Variants in GNPAT observed in about 807,000 individuals in gnomAD.
GNPAT encodes the protein dihydroxyacetone phosphate acyltransferase.
A neutral mutation model predicts 78.4 loss-of-function variants in GNPAT; 30 were observed. The ratio of observed to expected loss-of-function variants is 0.38; its 90% confidence interval spans 0.29 to 0.52. The LOEUF (loss-of-function observed/expected upper bound fraction) is 0.52, where lower values mean the gene tolerates loss of function less well. Among genes scored for constraint, GNPAT ranks in the 20% least tolerant of loss-of-function variants. GNPAT has a pLI of 0.84. For synonymous variants in GNPAT, 271 were observed against 281.1 expected, an observed-to-expected ratio of 0.96 and a Z score of 0.36; for missense variants, 714 against 812.2, an observed-to-expected ratio of 0.88 and a Z score of 1.47.
chr1:231,272,472 C>T, intron 11 of GNPAT, 81 bp downstream of exon 11: 2 of 801,396 alleles, frequency 2.5e-6, no homozygotes, highest in Non-Finnish European at 4.4e-6. Context: ...AGATGTGTCT[C>T]AGGCAGTGTG....
Position 231,266,040 on chromosome 1 carries a change from T to A in GNPAT, c.799T>A (p.Phe267Ile). The A allele has an allele frequency of 6.2e-7, 1 of 1,611,998 alleles. No individual in the cohort carries two copies. The highest frequency in any genetic ancestry group is 8.5e-7 in the Non-Finnish European group (1 of 1,178,506). ...FGLLNIVMEP[F>I]FKREVFDTYL... The stretch of plus-strand genomic sequence containing the variant: ...TCTTCTGAATATTGTGATGGAGCCA[T>A]TTTTTAAAAGAGAAGTTTTTGATAC... Residue 267 changes from phenylalanine to isoleucine, a missense_variant, in exon 7 of 16, where the codon TTT becomes ATT. Coordinates refer to ENST00000366647, the MANE Select transcript of GNPAT (RefSeq NM_014236.4).
At chr1:231,262,074 A>C (rs1004377031) in intron 3 of GNPAT, among the ~76,000 whole-genome samples, 1 of 152,248 alleles carries the variant, frequency 6.6e-6, no homozygotes, top group African/African-American at 2.4e-5. Context: ...ATACCAGTGA[A>C]TCTTGAGATT....
rs1685664053 is a variant in GNPAT, at chr1:231,274,768, A to C, written c.1744-453A>C. ...TAACTCATTCAGCCTCCTTGCACAA[A>C]GTCTAGCACTTACTGAGCATTTGAT... On this transcript the variant is annotated intron_variant, in intron 12 of 15. Coordinates refer to ENST00000366647, the MANE Select transcript of GNPAT (RefSeq NM_014236.4). 10 of 209,720 alleles carry C rather than the reference A, an allele frequency of 4.8e-5. No homozygotes were observed. In the South Asian group the frequency reaches 7.7e-4, roughly 16 times the overall value. The allele number at this position is 209,720 out of a possible 1,614,324, so 13.0% of individuals were successfully genotyped here.
At chr1:231,277,372 C>T in intron 15 of GNPAT, 127 bp from the exon 16 acceptor site, 1 of 734,468 alleles carries the variant, frequency 1.4e-6, no homozygotes, top group Non-Finnish European at 2.5e-6. Flanking sequence ...CCCATGGGTA[C>T]TGGCCAGCCT....
At position 231,267,723 on chromosome 1, in the gene GNPAT, A is replaced by C. The variant is rs1474579541; in HGVS notation, c.1099A>C (p.Thr367Pro). The C allele has an allele frequency of 1.9e-6, 3 of 1,611,884 alleles. No homozygotes were observed. The African/African-American group carries it at 4.0e-5, about 22-fold the overall frequency. The change falls in exon 9 of 16, where the codon ACT becomes CCT. Residue 367 changes from threonine to proline, a missense_variant. Physicochemically the swap from Thr to Pro is conservative, Grantham distance 38. Coordinates refer to ENST00000366647, the MANE Select transcript of GNPAT (RefSeq NM_014236.4). ...GTCTGAGGACATGCATGCCTTTGTCACTGAAGTTGCCTACAAAATGGAGCT... is the reference window on the plus strand; with the variant it reads ...GTCTGAGGACATGCATGCCTTTGTCCCTGAAGTTGCCTACAAAATGGAGCT... ...KQSEDMHAFV[T>P]EVAYKMELLQ...
intron 3 of GNPAT, 57 bp downstream of exon 3, chr1:231,260,740 A>G: frequency 2.5e-6 from 2 of 789,074 alleles, no homozygotes; most frequent in Non-Finnish European, 3.8e-6. Context: ...AAAATTAAAC[A>G]AAAAAAAAAA....
intron 4 of GNPAT, among the ~76,000 whole-genome samples, chr1:231,264,898 G>A (rs182686607): frequency 6.6e-6 from 1 of 152,336 alleles, no homozygotes; most frequent in East Asian, 1.9e-4. Flanking sequence ...ACTTGTAAAG[G>A]GAGTGGTGCA....
At position 231,251,150 on chromosome 1, in the gene GNPAT, G is replaced by T; in HGVS notation, c.261+7G>T. 6.6e-7 allele frequency: 1 copy of T among 1,522,554 alleles called. No homozygotes were observed. Among genetic ancestry groups the T allele is most frequent in the South Asian group, 1.2e-5 (1 of 82,830 alleles). 94.3% of individuals were successfully genotyped at this position (1,522,554 alleles called of 1,614,324 possible). ...TCATTATGTCATTAAACAGGTAAGT[G>T]ATTCCCTCTTCAACCATGGCCAGAT... On this transcript the variant is annotated splice_region_variant and intron_variant, in intron 2 of 15. Transcript: ENST00000366647.
At chr1:231,277,376 C>A (rs1337173893) in intron 15 of GNPAT, 123 bp from the exon 16 acceptor site, 9 of 744,552 alleles carry the variant, frequency 1.2e-5, no homozygotes, top group Non-Finnish European at 2.2e-5. Flanking sequence ...TGGGTACTGG[C>A]CAGCCTGTGA....
chr1:231,269,345 G>C (rs1368798747), intron 9 of GNPAT, among the ~76,000 whole-genome samples: 2 of 152,186 alleles, frequency 1.3e-5, no homozygotes, highest in Non-Finnish European at 2.9e-5. Context: ...TGATATTAAA[G>C]TGTTGGCCCA....
rs770510642 is a variant in GNPAT at position 231,272,324 on chromosome 1, G to C, written c.1535G>C (p.Ser512Thr). 16 of 1,576,828 alleles carry C rather than the reference G, an allele frequency of 1.0e-5. No homozygotes were observed. The highest frequency in any genetic ancestry group is 1.3e-5 in the African/African-American group (1 of 74,400). The change falls in exon 11 of 16, where the codon AGT becomes ACT. Residue 512 changes from serine to threonine, a missense_variant. Coordinates refer to ENST00000366647, the MANE Select transcript of GNPAT (RefSeq NM_014236.4). Reference sequence around the variant, plus strand: ...CATTTATTTCCAGAGGATGTCTACAGTTGCTTTCGCTTCCTACGTGATGTT... The same window carrying C: ...CATTTATTTCCAGAGGATGTCTACACTTGCTTTCGCTTCCTACGTGATGTT... ...TPGFRKEDVY[S>T]CFRFLRDVFA...
chr1:231,260,715 T>G, intron 3 of GNPAT, 32 bp downstream of exon 3: 1 of 1,355,348 alleles, frequency 7.4e-7, no homozygotes, highest in East Asian at 2.3e-5. Context: ...AATAAAGAAA[T>G]AAAAGTCTCA....
At chr1:231,263,058 GTTC>G (rs1295953507) in intron 4 of GNPAT, among the ~76,000 whole-genome samples, 2 of 152,146 alleles carry the variant, frequency 1.3e-5, no homozygotes, top group African/African-American at 4.8e-5. Context: ...TGCACACAGG[GTTC>G]TTTGGTGTAG....
intron 9 of GNPAT, 45 bp downstream of exon 9, chr1:231,267,948 G>A: frequency 4.1e-6 from 5 of 1,207,122 alleles, no homozygotes; most frequent in Non-Finnish European, 6.2e-6. Flanking sequence ...GCTTAATTTG[G>A]AAGAGTTAAA....
At chr1:231,276,845 A>T (rs1685730749) in intron 15 of GNPAT, among the ~76,000 whole-genome samples, 1 of 152,212 alleles carries the variant, frequency 6.6e-6, no homozygotes, top group South Asian at 2.1e-4. Context: ...TGGAAAAAAT[A>T]ATCTGCTGAT....
Position 231,265,434 on chromosome 1 carries a change from A to C in GNPAT, c.696+14A>C. The C allele has an allele frequency of 6.3e-7, 1 of 1,589,224 alleles. No individual in the cohort carries two copies. Among genetic ancestry groups the C allele is most frequent in the Non-Finnish European group, 8.6e-7 (1 of 1,157,332 alleles). On this transcript the variant is annotated intron_variant, in intron 5 of 15. Coordinates refer to ENST00000366647, the MANE Select transcript of GNPAT (RefSeq NM_014236.4). ...ACTATGTTACGGGTAAATGCAAATA[A>C]TTCCCAACTACTCTTAAGCCATATT...
chr1:231,241,272 G>C lies in GNPAT; in HGVS notation c.-107G>C. 7.1e-7 allele frequency: 1 copy of C among 1,418,172 alleles called. No homozygotes were observed. Among genetic ancestry groups the C allele is most frequent in the South Asian group, 1.1e-5 (1 of 87,242 alleles). The allele number at this position is 1,418,172 out of a possible 1,614,324, so 87.8% of individuals were successfully genotyped here. A position where few individuals can be genotyped will look rare whatever the true frequency, so the allele number is the denominator to read the frequency against. On this transcript the variant is annotated 5_prime_UTR_variant, in exon 1 of 16. Transcript: ENST00000366647. ...TGTAGCGGCTGCAGAGGGTGCCGCCGCCCTAGGCGAAGTAGGGCCGTCCTG... is the reference window on the plus strand; with the variant it reads ...TGTAGCGGCTGCAGAGGGTGCCGCCCCCCTAGGCGAAGTAGGGCCGTCCTG...
chr1:231,243,523 C>T (rs963348551), intron 1 of GNPAT, among the ~76,000 whole-genome samples: 15 of 152,052 alleles, frequency 9.9e-5, no homozygotes, highest in Admixed American at 6.6e-5. Context: ...AAGGTCTCAC[C>T]GTGTTGGCCA....
At chr1:231,270,702 G>C (rs1351147938) in intron 9 of GNPAT, 56 bp from the exon 10 acceptor site, 1 of 1,576,180 alleles carries the variant, frequency 6.3e-7, no homozygotes, top group Non-Finnish European at 8.7e-7. Context: ...CGTACGCTAG[G>C]CCTAAGACTC....
Sources: allele counts gnomAD v4.1 joint callset (sites outside exome capture counted in the v4.1 genomes callset), GRCh38; gene constraint gnomAD v4.1.1; transcripts MANE v1.5; gene names NCBI Gene and HGNC (gene_info 2026-07-23, HGNC 2026-07-21).